Variants in GLYATL2 observed in about 807,000 individuals in gnomAD.
GLYATL2 encodes glycine-N-acyltransferase like 2, also known as glycine N-acyltransferase-like protein 2.
A neutral mutation model predicts 21.4 loss-of-function variants in GLYATL2; 25 were observed. The ratio of observed to expected loss-of-function variants is 1.17; its 90% CI spans 0.85 to 1.63. GLYATL2 has a LOEUF of 1.63. Ranked by LOEUF, GLYATL2 falls within the 40% of genes most tolerant of loss-of-function variation. GLYATL2 has a pLI of 0.00. For missense variants in GLYATL2, 361 were observed against 343.3 expected (o/e 1.05, Z -0.41); for synonymous variants, 114 against 118.2 (o/e 0.96, Z 0.23).
In GLYATL2 at chr11:58,838,272, G is replaced by A. The variant is rs771710384; in HGVS notation, c.175C>T (p.Pro59Ser). 9.9e-6 allele frequency: 16 copies of A among 1,609,798 alleles called. No homozygotes were observed. ...ACTATTGCTCCTACCTGTTTCTGAGGCCGGGTAATGACGATCTGGTAATCT... is the reference window on the plus strand; with the variant it reads ...ACTATTGCTCCTACCTGTTTCTGAGACCGGGTAATGACGATCTGGTAATCT... ...WPDYQIVITRPQKQEMKDDQD... is the reference protein window; with the variant it reads ...WPDYQIVITRSQKQEMKDDQD... Residue 59 changes from proline (P) to serine (S), a missense_variant, in exon 3 of 6, where the codon CCT becomes TCT. Pro to Ser is a moderately conservative substitution (Grantham distance 74). Transcript: ENST00000287275.
chr11:58,850,601 A>G (rs1202304408), intron 1 of GLYATL2, among the ~76,000 whole-genome samples: 2 of 152,148 alleles, frequency 1.3e-5, no homozygotes, highest in African/African-American at 4.8e-5. Flanking sequence ...GCCCTCTGTC[A>G]TGCCCAGACA....
upstream of GLYATL2, among the ~76,000 whole-genome samples, chr11:58,906,865 A>G (rs1854902055): frequency 6.6e-6 from 1 of 152,154 alleles, no homozygotes; most frequent in African/African-American, 2.4e-5. Context: ...CGCGGTGCTC[A>G]TTTGAGGCGG....
At chr11:58,835,756 A>C (rs372620111) in intron 5 of GLYATL2, among the ~76,000 whole-genome samples, 1 of 152,144 alleles carries the variant, frequency 6.6e-6, no homozygotes, top group Non-Finnish European at 1.5e-5. Flanking sequence ...CCAAACCTAG[A>C]GTGGCAAGAT....
In GLYATL2 at chr11:58,866,063, C is replaced by T. The variant is rs142314587; in HGVS notation, n.61-27695G>A. ...TCCCAAATCCCTGATCTAGCTAAAACCATATACCACTTCCTGATTTCTCTG... is the reference window on the plus strand; with the variant it reads ...TCCCAAATCCCTGATCTAGCTAAAATCATATACCACTTCCTGATTTCTCTG... On this transcript the variant is annotated intron_variant and non_coding_transcript_variant, in intron 1 of 4. Coordinates refer to the GLYATL2 transcript ENST00000533636. Among the ~76,000 whole-genome samples the T allele has an allele frequency of 4.9e-4, 73 of 148,816 alleles. 5 individuals are homozygous for T. Among genetic ancestry groups the T allele is most frequent in the Admixed American group, 6.9e-4 (10 of 14,460 alleles).
chr11:58,860,638 T>C (rs1288436312), intron 1 of GLYATL2, among the ~76,000 whole-genome samples: 1 of 152,120 alleles, frequency 6.6e-6, no homozygotes, highest in African/African-American at 2.4e-5. Flanking sequence ...CATTAATGCA[T>C]TGAATAGAAG....
chr11:58,892,835 G>A, intron 1 of GLYATL2: 1 of 321,564 alleles, frequency 3.1e-6, no homozygotes, highest in Non-Finnish European at 6.3e-6. Flanking sequence ...TGATGAATTT[G>A]AGAGGTACAA....
At chr11:58,897,490 G>C (rs1043475395) in intron 1 of GLYATL2, among the ~76,000 whole-genome samples, 15 of 152,068 alleles carry the variant, frequency 9.9e-5, no homozygotes, top group African/African-American at 3.4e-4. Context: ...CCAAGGCCTA[G>C]AGATCACAGC....
chr11:58,885,455 A>C, intron 1 of GLYATL2: 1 of 507,494 alleles, frequency 2.0e-6, no homozygotes, highest in East Asian at 5.5e-5. Flanking sequence ...TGTGTATCAC[A>C]TCAATCATAG....
intron 1 of GLYATL2, among the ~76,000 whole-genome samples, chr11:58,871,947 T>A (rs1437287372): frequency 6.6e-6 from 1 of 152,202 alleles, no homozygotes; most frequent in Non-Finnish European, 1.5e-5. Flanking sequence ...CAGCACCTGT[T>A]GTTTCCTGAC....
intron 1 of GLYATL2, among the ~76,000 whole-genome samples, chr11:58,894,476 C>CAAAAAAA (rs1554980634): frequency 2.6e-5 from 3 of 116,534 alleles, no homozygotes; most frequent in Admixed American, 9.4e-5. Flanking sequence ...GCAGCTATAG[C>CAAAAAAA]AAAAAAAAAA....
At chr11:58,839,841 C>T (rs1357505430) in intron 1 of GLYATL2, among the ~76,000 whole-genome samples, 189 bp from the exon 2 acceptor site, 1 of 151,368 alleles carries the variant, frequency 6.6e-6, no homozygotes. Flanking sequence ...GACCTCAGGG[C>T]TCCTTAGTAA....
intron 1 of GLYATL2, among the ~76,000 whole-genome samples, chr11:58,868,567 AT>A (rs1854058897): frequency 6.7e-6 from 1 of 149,082 alleles, no homozygotes; most frequent in Non-Finnish European, 1.5e-5. Flanking sequence ...GGTGATATTG[AT>A]TGGTTTTCTG....
intron 1 of GLYATL2, among the ~76,000 whole-genome samples, chr11:58,858,696 C>A (rs550202835): frequency 2.6e-5 from 4 of 152,148 alleles, no homozygotes; most frequent in Non-Finnish European, 5.9e-5. Context: ...TTATATTATG[C>A]CAGATTACAG....
chr11:58,844,592 G>A lies in GLYATL2; in HGVS notation c.-199C>T, dbSNP rs1399665979. 1 of 152,164 alleles carries A rather than the reference G, an allele frequency of 6.6e-6. No individual in the cohort carries two copies. The highest frequency in any genetic ancestry group is 1.5e-5 in the Non-Finnish European group (1 of 68,044). 9.4% of individuals were successfully genotyped at this position (152,164 alleles called of 1,614,324 possible). On this transcript the variant is annotated 5_prime_UTR_variant, in exon 1 of 6. Coordinates refer to ENST00000287275, the MANE Select transcript of GLYATL2 (RefSeq NM_145016.4). ...AAGCATAAAGCTTCAGGAAGTTATG[G>A]GTTCCTGTAGATTAAACCAGACGTT...
intron 1 of GLYATL2, among the ~76,000 whole-genome samples, chr11:58,885,914 C>T (rs1037737240): frequency 2.0e-5 from 3 of 152,114 alleles, no homozygotes; most frequent in African/African-American, 7.2e-5. Flanking sequence ...AGATGTCTAC[C>T]AGTAAAATTA....
chr11:58,889,242 TA>T (rs1438063533), intron 1 of GLYATL2, among the ~76,000 whole-genome samples: 1 of 152,054 alleles, frequency 6.6e-6, no homozygotes, highest in Non-Finnish European at 1.5e-5. Flanking sequence ...CACTGTTCTT[TA>T]AAACCTGTTT....
chr11:58,837,779 A>C (rs1215442669), intron 3 of GLYATL2, among the ~76,000 whole-genome samples: 1 of 152,242 alleles, frequency 6.6e-6, no homozygotes, highest in Non-Finnish European at 1.5e-5. Context: ...ATCCTGACCC[A>C]GGGGGCTGGC....
intron 1 of GLYATL2, among the ~76,000 whole-genome samples, chr11:58,877,419 T>G (rs1375367332): frequency 1.3e-5 from 2 of 152,098 alleles, no homozygotes; most frequent in African/African-American, 4.8e-5. Flanking sequence ...TTGGCTCCAC[T>G]CCCTCTGGTA....
At chr11:58,888,849 C>T (rs1854489229) in intron 1 of GLYATL2, among the ~76,000 whole-genome samples, 1 of 151,748 alleles carries the variant, frequency 6.6e-6, no homozygotes, top group Admixed American at 6.6e-5. Flanking sequence ...TCTTACTTTC[C>T]TTTTTCTTAT....
Sources: gnomAD v4.1 joint callset for allele counts (sites outside exome capture counted in the v4.1 genomes callset) on GRCh38, gnomAD v4.1.1 for gene constraint, MANE v1.5 for transcripts, NCBI Gene and HGNC (gene_info 2026-07-23, HGNC 2026-07-21) for gene names.